Variants in EBPL observed in about 807,000 individuals in gnomAD.
EBPL encodes the protein EBP like.
In EBPL, 20 loss-of-function variants were observed where a neutral mutation model predicts 19.0. The ratio of observed to expected loss-of-function variants is 1.05; its 90% CI spans 0.74 to 1.53. The LOEUF (loss-of-function observed/expected upper bound fraction) is 1.53. EBPL is among the 40% of genes most tolerant of loss of function. EBPL has a pLI of 0.00. For synonymous variants in EBPL, 107 were observed against 117.0 expected (o/e 0.91, Z 0.55); for missense variants, 219 against 261.1 (o/e 0.84, Z 1.11).
At position 49,690,710 on chromosome 13, in the gene EBPL, A is replaced by G. The variant is rs139652071; in HGVS notation, c.171+544T>C. ...ACCTAATTTTGCAGCGCCTACCTTCACCTCTGTAAAATGGGGAACAATAAT... is the reference window on the plus strand; with the variant it reads ...ACCTAATTTTGCAGCGCCTACCTTCGCCTCTGTAAAATGGGGAACAATAAT... On this transcript the variant is annotated intron_variant, in intron 1 of 3. Coordinates refer to ENST00000242827, the MANE Select transcript of EBPL (RefSeq NM_032565.5). 3.0e-3 allele frequency among the ~76,000 whole-genome samples: 452 copies of G among 152,194 alleles called. 1 individual carries two copies. The highest frequency in any genetic ancestry group is 0.01 in the African/African-American group (433 of 41,532).
intron 2 of EBPL, among the ~76,000 whole-genome samples, chr13:49,669,351 C>T (rs988252314): frequency 1.3e-5 from 2 of 152,122 alleles, no homozygotes; most frequent in Admixed American, 1.3e-4. Flanking sequence ...CAGGTGTGCA[C>T]CACCACACCT....
chr13:49,681,431 C>G (rs1050461404), intron 1 of EBPL, among the ~76,000 whole-genome samples: 1 of 152,142 alleles, frequency 6.6e-6, no homozygotes, highest in Non-Finnish European at 1.5e-5. Flanking sequence ...GCTGAGATTA[C>G]AGGCACACGC....
chr13:49,674,505 C>T (rs1230167043), intron 1 of EBPL, among the ~76,000 whole-genome samples: 1 of 151,372 alleles, frequency 6.6e-6, no homozygotes, highest in Non-Finnish European at 1.5e-5. Flanking sequence ...GTATGTGAAT[C>T]TACAATTACC....
At chr13:49,688,104 T>G (rs1454778510) in intron 1 of EBPL, among the ~76,000 whole-genome samples, 1 of 152,202 alleles carries the variant, frequency 6.6e-6, no homozygotes. Flanking sequence ...ATACATAGAT[T>G]GCAGAAGAGA....
Position 49,663,147 on chromosome 13 carries a change from GT to G in EBPL, c.289del (p.Thr97ProfsTer8), listed in dbSNP as rs1965174009. On this transcript the variant is annotated frameshift_variant, in exon 3 of 4. Transcript: ENST00000242827. LOFTEE classifies it high-confidence loss of function. ...GGTCAGAATTTCCACAGACACAATG[GT>G]TGGATCAAAATAAACCCATCTTGCA... ...ADARWVYFDP[T>X]IVSVEILTVA... 1 of 1,614,024 alleles carries G rather than the reference GT, an allele frequency of 6.2e-7. No homozygotes were observed. Among genetic ancestry groups the G allele is most frequent in the African/African-American group, 1.3e-5 (1 of 74,888 alleles).
In EBPL at chr13:49,689,617, G is replaced by A. The variant is rs113481693; in HGVS notation, c.171+1637C>T. ...CCGCCTCAGCCTCCCAAAATGCTGGGATTACAGGCATGAGCCACTGTGTCC... is the reference window on the plus strand; with the variant it reads ...CCGCCTCAGCCTCCCAAAATGCTGGAATTACAGGCATGAGCCACTGTGTCC... On this transcript the variant is annotated intron_variant, in intron 1 of 3. Coordinates refer to ENST00000242827, the MANE Select transcript of EBPL (RefSeq NM_032565.5). Among the ~76,000 whole-genome samples, 721 of 152,234 alleles carry A rather than the reference G, an allele frequency of 4.7e-3. 5 individuals are homozygous for A. Among genetic ancestry groups the A allele is most frequent in the Non-Finnish European group, 7.0e-3 (475 of 68,020 alleles).
chr13:49,662,007 T>G, intron 3 of EBPL: 2 of 1,329,648 alleles, frequency 1.5e-6, no homozygotes, highest in Non-Finnish European at 2.1e-6. Flanking sequence ...TCATCCTTTT[T>G]TTTTGAGACA....
intron 1 of EBPL, among the ~76,000 whole-genome samples, chr13:49,681,062 T>C (rs1465564704): frequency 6.6e-6 from 1 of 152,180 alleles, no homozygotes; most frequent in East Asian, 1.9e-4. Flanking sequence ...TGAATTTTTC[T>C]ATTATTAACC....
At position 49,678,831 on chromosome 13, in the gene EBPL, C is replaced by T. The variant is rs1953909998; in HGVS notation, c.172-8985G>A. Reference sequence around the variant, plus strand: ...GAGGCCTGTTAGCACGTTGTCACCTCTCAATATTAAAAAATACAAAAAAAT... The same window carrying T: ...GAGGCCTGTTAGCACGTTGTCACCTTTCAATATTAAAAAATACAAAAAAAT... On this transcript the variant is annotated intron_variant, in intron 1 of 3. Coordinates refer to ENST00000242827, the MANE Select transcript of EBPL (RefSeq NM_032565.5). Among the ~76,000 whole-genome samples the T allele has an allele frequency of 2.0e-5, 3 of 151,664 alleles. No homozygotes were observed. In the South Asian group the frequency reaches 6.3e-4, roughly 32 times the overall value.
chr13:49,661,055 C>G lies in EBPL; in HGVS notation c.534G>C (p.Leu178=). The G allele has an allele frequency of 1.2e-6, 2 of 1,614,090 alleles. No individual in the cohort carries two copies. The highest frequency in any genetic ancestry group is 1.1e-5 in the South Asian group (1 of 91,068). The change falls in exon 4 of 4, where the codon CTG becomes CTC. Residue 178 remains leucine (L), a synonymous_variant. Transcript: ENST00000242827. ...ACTGCCACAGTAGCAGTCCTGGGAT[C>G]AGAACCCACACACCGTTAAAAAAAA... The part of the protein sequence containing the change: ...YLFFFNGVWV[L]IPGLLLWQSW...
In EBPL at chr13:49,691,413, C is replaced by T; in HGVS notation, c.12G>A (p.Glu4=). The change falls in exon 1 of 4, where the codon GAG becomes GAA. Residue 4 remains glutamate, a synonymous_variant. Transcript: ENST00000242827. MGA[E]WELGAEAGGS... ...CGCCAGCCTCGGCCCCCAGCTCCCACTCAGCGCCCATGCTTCAGGCTTCCG... is the reference window on the plus strand; with the variant it reads ...CGCCAGCCTCGGCCCCCAGCTCCCATTCAGCGCCCATGCTTCAGGCTTCCG... 7.4e-7 allele frequency: 1 copy of T among 1,345,806 alleles called. No homozygotes were observed. The highest frequency in any genetic ancestry group is 9.5e-7 in the Non-Finnish European group (1 of 1,049,994). 83.4% of individuals were successfully genotyped at this position (1,345,806 alleles called of 1,614,324 possible). A position where few individuals can be genotyped will look rare whatever the true frequency, so the allele number is the denominator to read the frequency against.
At chr13:49,675,856 GT>G (rs1953869647) in intron 1 of EBPL, among the ~76,000 whole-genome samples, 2 of 146,662 alleles carry the variant, frequency 1.4e-5, no homozygotes, top group African/African-American at 4.9e-5. Context: ...GCCAACACTT[GT>G]TATTTTCCTT....
chr13:49,670,658 C>G (rs1035515512), intron 1 of EBPL, among the ~76,000 whole-genome samples: 1 of 152,172 alleles, frequency 6.6e-6, no homozygotes, highest in Non-Finnish European at 1.5e-5. Context: ...CTATTTCCTT[C>G]GACTACTAGC....
Position 49,660,751 on chromosome 13 carries a change from C to A in EBPL, c.*217G>T. 2.2e-6 allele frequency: 1 copy of A among 456,954 alleles called. No individual in the cohort carries two copies. The highest frequency in any genetic ancestry group is 3.8e-6 in the Non-Finnish European group (1 of 260,298). 28.3% of individuals were successfully genotyped at this position (456,954 alleles called of 1,614,324 possible). The stretch of plus-strand genomic sequence containing the variant: ...TGTATAATTAAACATTTTATTATTA[C>A]AAATTCAAATTTGTTCTCTTTTCCC... On this transcript the variant is annotated 3_prime_UTR_variant, in exon 4 of 4. Transcript: ENST00000242827.
At chr13:49,690,264 G>C (rs564077224) in intron 1 of EBPL, among the ~76,000 whole-genome samples, 2 of 149,600 alleles carry the variant, frequency 1.3e-5, no homozygotes, top group African/African-American at 4.9e-5. Context: ...AGAATAAAAA[G>C]AATTCCAGCA....
intron 1 of EBPL, among the ~76,000 whole-genome samples, chr13:49,676,630 A>T (rs1316904293): frequency 6.6e-6 from 1 of 151,778 alleles, no homozygotes; most frequent in African/African-American, 2.4e-5. Flanking sequence ...ATAAATAAAT[A>T]AGAAAGAAAC....
At chr13:49,673,282 C>T (rs1953837988) in intron 1 of EBPL, among the ~76,000 whole-genome samples, 1 of 152,160 alleles carries the variant, frequency 6.6e-6, no homozygotes, top group African/African-American at 2.4e-5. Flanking sequence ...AGCAATTCCA[C>T]AGTTGGGTAT....
chr13:49,664,494 C>T (rs118062668), intron 2 of EBPL, among the ~76,000 whole-genome samples: 2 of 152,168 alleles, frequency 1.3e-5, no homozygotes, highest in African/African-American at 4.8e-5. Flanking sequence ...TTCTCAGGAA[C>T]ACCATGACTC....
chr13:49,675,627 T>C (rs1953866836), intron 1 of EBPL, among the ~76,000 whole-genome samples: 1 of 152,256 alleles, frequency 6.6e-6, no homozygotes, highest in Admixed American at 6.5e-5. Flanking sequence ...TTTGGGGTTA[T>C]TGTGGCTCAT....
Sources: allele counts gnomAD v4.1 joint callset (sites outside exome capture counted in the v4.1 genomes callset), GRCh38; gene constraint gnomAD v4.1.1; transcripts MANE v1.5; gene names NCBI Gene and HGNC (gene_info 2026-07-23, HGNC 2026-07-21).